MMP16: variants seen among roughly 807,000 people sequenced by gnomAD.
MMP16 encodes the protein matrix metalloproteinase-16.
MMP16 carries 12 observed loss-of-function variants against 67.8 expected under a neutral mutation model. The ratio of observed to expected loss-of-function variants is 0.18; its 90% CI spans 0.11 to 0.29. MMP16 has a LOEUF of 0.29. Among genes scored for constraint, MMP16 ranks in the 10% least tolerant of loss-of-function variants. The pLI is 1.00. For synonymous variants in MMP16, 249 were observed against 255.9 expected (o/e 0.97, Z 0.26); for missense variants, 475 against 765.7 (o/e 0.62, Z 4.48).
chr8:88,164,476 C>G (rs146660540), intron 4 of MMP16, among the ~76,000 whole-genome samples: 3 of 152,138 alleles, frequency 2.0e-5, no homozygotes, highest in Middle Eastern at 3.4e-3. Flanking sequence ...GATAAATGAT[C>G]AATACTTCAG....
intron 2 of MMP16, among the ~76,000 whole-genome samples, chr8:88,188,691 G>A (rs985705849): frequency 5.1e-5 from 7 of 137,388 alleles, no homozygotes; most frequent in Admixed American, 1.5e-4. Context: ...TTTTGATCTT[G>A]TCGCCCAGGC....
At chr8:88,317,897 A>G (rs1166409421) in intron 1 of MMP16, among the ~76,000 whole-genome samples, 5 of 152,200 alleles carry the variant, frequency 3.3e-5, no homozygotes, top group Non-Finnish European at 4.4e-5. Context: ...GAGGAACTCA[A>G]TAACATTTGA....
chr8:88,306,741 A>T (rs1476726604), intron 1 of MMP16, among the ~76,000 whole-genome samples: 1 of 152,190 alleles, frequency 6.6e-6, no homozygotes, highest in Non-Finnish European at 1.5e-5. Context: ...CCTTCATGTT[A>T]AAAACTCTCA....
chr8:88,313,392 C>T (rs1375417548), intron 1 of MMP16, among the ~76,000 whole-genome samples: 1 of 152,132 alleles, frequency 6.6e-6, no homozygotes, highest in Non-Finnish European at 1.5e-5. Context: ...TGCTTCTCCA[C>T]TATCTTTTCC....
chr8:88,238,445 G>C (rs987788936), intron 1 of MMP16, among the ~76,000 whole-genome samples: 14 of 151,964 alleles, frequency 9.2e-5, no homozygotes, highest in African/African-American at 3.1e-4. Flanking sequence ...ATCATTTGAG[G>C]TCAGGAGTTT....
At chr8:88,105,197 T>C (rs1441265984) in intron 6 of MMP16, among the ~76,000 whole-genome samples, 2 of 151,204 alleles carry the variant, frequency 1.3e-5, no homozygotes, top group Non-Finnish European at 3.0e-5. Context: ...CTCATGACTA[T>C]TGTTATTTGC....
chr8:88,046,131 T>C (rs1372865367), intron 9 of MMP16, among the ~76,000 whole-genome samples: 1 of 152,196 alleles, frequency 6.6e-6, no homozygotes, highest in Non-Finnish European at 1.5e-5. Flanking sequence ...AATCCTGGGA[T>C]AGCAAGTAAA....
At chr8:88,251,310 A>C (rs1318494445) in intron 1 of MMP16, among the ~76,000 whole-genome samples, 1 of 151,718 alleles carries the variant, frequency 6.6e-6, no homozygotes, top group Non-Finnish European at 1.5e-5. Context: ...GATCAATGGA[A>C]CAGAACAGAG....
At chr8:88,090,997 C>T (rs1046934562) in intron 6 of MMP16, among the ~76,000 whole-genome samples, 1 of 151,778 alleles carries the variant, frequency 6.6e-6, no homozygotes, top group Non-Finnish European at 1.5e-5. Context: ...TCCTATTGAT[C>T]CTTCAAAATG....
chr8:88,183,865 G>A (rs1416268858), intron 3 of MMP16, among the ~76,000 whole-genome samples: 10 of 150,928 alleles, frequency 6.6e-5, no homozygotes, highest in Admixed American at 2.0e-4. Context: ...ACAGTCATGC[G>A]CCACAACTCC....
chr8:88,239,665 T>C (rs913332155), intron 1 of MMP16, among the ~76,000 whole-genome samples: 20 of 152,216 alleles, frequency 1.3e-4, no homozygotes, highest in African/African-American at 4.1e-4. Flanking sequence ...AAGCGTCTTA[T>C]GTTTTTTAAA....
At chr8:88,145,324 T>A (rs1808273482) in intron 4 of MMP16, among the ~76,000 whole-genome samples, 1 of 151,978 alleles carries the variant, frequency 6.6e-6, no homozygotes, top group Non-Finnish European at 1.5e-5. Flanking sequence ...GTATCTACAT[T>A]AACATATCTA....
Position 88,032,878 on chromosome 8 carries a change from A to AG in MMP16, c.*8582dup, listed in dbSNP as rs1417694355. 1 of 152,068 alleles carries AG rather than the reference A, an allele frequency of 6.6e-6. No individual in the cohort carries two copies. The allele number at this position is 152,068 out of a possible 1,614,324, so 9.4% of individuals were successfully genotyped here. On this transcript the variant is annotated 3_prime_UTR_variant, in exon 10 of 10. Transcript: ENST00000286614. ...TCAAGAACTTAATGAAATAGTGTTG[A>AG]GTGTAATGAGAACAATGCAGAAACT...
intron 4 of MMP16, among the ~76,000 whole-genome samples, chr8:88,165,958 T>C (rs959676752): frequency 6.6e-6 from 1 of 152,164 alleles, no homozygotes; most frequent in African/African-American, 2.4e-5. Context: ...ATACAGCACA[T>C]GCAACTATTA....
At chr8:88,056,340 A>G (rs1376798544) in intron 7 of MMP16, 62 bp from the exon 8 acceptor site, 4 of 781,700 alleles carry the variant, frequency 5.1e-6, no homozygotes, top group African/African-American at 1.8e-5. Flanking sequence ...GAATATATCT[A>G]TTAACACATT....
chr8:88,223,166 T>C (rs1809713243), intron 1 of MMP16, among the ~76,000 whole-genome samples: 2 of 152,102 alleles, frequency 1.3e-5, no homozygotes, highest in Non-Finnish European at 2.9e-5. Flanking sequence ...CCAGTTAGAA[T>C]GGTGATCACT....
intron 1 of MMP16, among the ~76,000 whole-genome samples, chr8:88,282,056 A>G (rs1451383641): frequency 7.1e-6 from 1 of 141,728 alleles, no homozygotes; most frequent in Non-Finnish European, 1.5e-5. Flanking sequence ...ATCAATACTA[A>G]AAATTCCAGA....
chr8:88,289,796 T>TA (rs1407671954), intron 1 of MMP16, among the ~76,000 whole-genome samples: 6 of 149,926 alleles, frequency 4.0e-5, no homozygotes, highest in Admixed American at 2.0e-4. Context: ...TCCTCTTTTT[T>TA]AAAAAAAAAG....
intron 1 of MMP16, among the ~76,000 whole-genome samples, chr8:88,247,644 T>C (rs17728649): frequency 0.045 from 6,817 of 152,078 alleles, 182 homozygotes; most frequent in South Asian, 0.062. Context: ...AGATTGACAA[T>C]AAAAGGTAGG....
Sources: allele counts gnomAD v4.1 joint callset (sites outside exome capture counted in the v4.1 genomes callset), GRCh38; gene constraint gnomAD v4.1.1; transcripts MANE v1.5; gene names NCBI Gene and HGNC (gene_info 2026-07-23, HGNC 2026-07-21).